The following VPS13B variants were observed in gnomAD, a reference collection of about 807,000 sequenced individuals.
VPS13B encodes vacuolar protein sorting 13 homolog B.
In VPS13B, 285 loss-of-function variants were observed where a neutral mutation model predicts 426.4. The ratio of observed to expected loss-of-function variants is 0.67; its 90% CI spans 0.61 to 0.74. The LOEUF (loss-of-function observed/expected upper bound fraction) is 0.74. VPS13B is among the 30% of genes least tolerant of loss of function. The probability of loss-of-function intolerance (pLI) is 0.00; values close to 1 mark genes in which losing one functional copy is unlikely to be tolerated. For missense variants in VPS13B, 4,537 were observed against 4,782.6 expected, an observed-to-expected ratio of 0.95 and a Z score of 1.51; for synonymous variants, 1,676 against 1,676.4, an observed-to-expected ratio of 1.00 and a Z score of 0.01.
At chr8:99,506,733 T>C (rs1388389543) in intron 27 of VPS13B, among the ~76,000 whole-genome samples, 1 of 152,156 alleles carries the variant, frequency 6.6e-6, no homozygotes, top group Non-Finnish European at 1.5e-5. Context: ...GGTGTATGCC[T>C]GTAGTTCCAG....
intron 17 of VPS13B, among the ~76,000 whole-genome samples, chr8:99,266,122 C>T (rs190322218): frequency 5.3e-5 from 8 of 152,176 alleles, no homozygotes; most frequent in African/African-American, 1.7e-4. Context: ...TGATCATAAG[C>T]TGACTACTGA....
intron 21 of VPS13B, among the ~76,000 whole-genome samples, chr8:99,412,590 A>G (rs1563715722): frequency 1.3e-5 from 2 of 152,318 alleles, no homozygotes; most frequent in East Asian, 1.9e-4. Flanking sequence ...TGCCCTGGCC[A>G]AAACTTCCAA....
At chr8:99,243,655 A>T (rs756739697) in intron 17 of VPS13B, among the ~76,000 whole-genome samples, 32 of 152,190 alleles carry the variant, frequency 2.1e-4, no homozygotes, top group African/African-American at 7.0e-4. Context: ...CAGCTAAAAG[A>T]ATCTTTTATT....
chr8:99,015,885 A>G (rs1045871848), intron 2 of VPS13B, among the ~76,000 whole-genome samples: 17 of 152,288 alleles, frequency 1.1e-4, no homozygotes, highest in Non-Finnish European at 2.2e-4. Flanking sequence ...CCTGGGTGAC[A>G]GAGTGAGACT....
intron 34 of VPS13B, among the ~76,000 whole-genome samples, chr8:99,643,245 G>T (rs1385631505): frequency 6.6e-6 from 1 of 151,936 alleles, no homozygotes; most frequent in Non-Finnish European, 1.5e-5. Flanking sequence ...AACTGGAGAG[G>T]GTAGCTGGGT....
chr8:99,737,539 T>C (rs1833895762), intron 39 of VPS13B, among the ~76,000 whole-genome samples: 1 of 152,214 alleles, frequency 6.6e-6, no homozygotes, highest in Admixed American at 6.5e-5. Flanking sequence ...CTATGCATTT[T>C]TATTAGTTTT....
At chr8:99,268,643 A>G (rs1818425153) in intron 17 of VPS13B, among the ~76,000 whole-genome samples, 1 of 152,140 alleles carries the variant, frequency 6.6e-6, no homozygotes, top group Admixed American at 6.5e-5. Flanking sequence ...CCCCCATTGT[A>G]TCTAGGAAGT....
At chr8:99,702,262 C>T (rs1438033579) in intron 36 of VPS13B, among the ~76,000 whole-genome samples, 1 of 152,064 alleles carries the variant, frequency 6.6e-6, no homozygotes, top group Admixed American at 6.6e-5. Context: ...TCTTTGAGCT[C>T]AATGGAGTTG....
intron 14 of VPS13B, among the ~76,000 whole-genome samples, chr8:99,153,379 AT>A (rs904458787): frequency 1.3e-5 from 2 of 150,962 alleles, no homozygotes; most frequent in Non-Finnish European, 3.0e-5. Context: ...TTTGTTCCTG[AT>A]TTTTTTTCCC....
chr8:99,828,061 G>A (rs2130842616), intron 51 of VPS13B, among the ~76,000 whole-genome samples: 1 of 152,258 alleles, frequency 6.6e-6, no homozygotes, highest in Admixed American at 6.5e-5. Context: ...GTTGATTTGG[G>A]GTGGAGAGTT....
intron 29 of VPS13B, 91 bp from the exon 30 acceptor site, chr8:99,520,808 T>C (rs559020026): frequency 2.1e-6 from 2 of 955,262 alleles, no homozygotes; most frequent in Non-Finnish European, 3.4e-6. Context: ...TCTTAATGTG[T>C]CTCTATTCCA....
chr8:99,739,374 C>G (rs887897117), intron 39 of VPS13B, among the ~76,000 whole-genome samples: 2 of 152,228 alleles, frequency 1.3e-5, no homozygotes, highest in African/African-American at 4.8e-5. Flanking sequence ...GCCTGCCTGC[C>G]TCTGTAGACT....
intron 19 of VPS13B, among the ~76,000 whole-genome samples, chr8:99,357,381 C>T (rs3134298): frequency 0.73 from 110,217 of 152,014 alleles, 40,613 homozygotes; most frequent in Middle Eastern, 0.83. Flanking sequence ...GGTAACTAGT[C>T]ATTTTACTTT....
chr8:99,634,861 T>C (rs537263035), intron 33 of VPS13B, among the ~76,000 whole-genome samples: 1 of 152,104 alleles, frequency 6.6e-6, no homozygotes, highest in African/African-American at 2.4e-5. Flanking sequence ...GTTGAGATGG[T>C]AATTCATTAA....
At chr8:99,589,383 G>A (rs1826485944) in intron 33 of VPS13B, among the ~76,000 whole-genome samples, 1 of 151,466 alleles carries the variant, frequency 6.6e-6, no homozygotes. Flanking sequence ...AGTCCCCAGT[G>A]TGTGATGTTC....
chr8:99,571,051 T>C (rs1825449558), intron 31 of VPS13B, among the ~76,000 whole-genome samples: 1 of 152,174 alleles, frequency 6.6e-6, no homozygotes, highest in African/African-American at 2.4e-5. Flanking sequence ...TGGGTTGATG[T>C]TTTTCTGGCC....
intron 33 of VPS13B, among the ~76,000 whole-genome samples, chr8:99,623,655 A>G (rs996445503): frequency 1.3e-5 from 2 of 152,140 alleles, no homozygotes; most frequent in Non-Finnish European, 2.9e-5. Flanking sequence ...GTTGACCAAT[A>G]CAGAGCCTTA....
chr8:99,760,108 G>A (rs1156398631), intron 39 of VPS13B, among the ~76,000 whole-genome samples: 1 of 151,432 alleles, frequency 6.6e-6, no homozygotes, highest in East Asian at 1.9e-4. Context: ...TCCCAAGTAG[G>A]TGGGATTATA....
At chr8:99,788,203 CTTAAAAATTTAAAAATCTAAAAATTAAAT>C (rs1229816393) in intron 43 of VPS13B, among the ~76,000 whole-genome samples, 3 of 148,242 alleles carry the variant, frequency 2.0e-5, no homozygotes, top group Non-Finnish European at 4.5e-5. Flanking sequence ...TATAAAAAAA[CTTAAAAATTTAAAAATCTAAAAATTAAAT>C]TTAAAAATTT....
Sources: gnomAD v4.1 joint callset for allele counts (sites outside exome capture counted in the v4.1 genomes callset) on GRCh38, gnomAD v4.1.1 for gene constraint, MANE v1.5 for transcripts, NCBI Gene and HGNC (gene_info 2026-07-23, HGNC 2026-07-21) for gene names.